The following PRSS27 variants were observed in gnomAD, a reference collection of about 807,000 sequenced individuals.
PRSS27 encodes the protein serine protease 27.
Under a neutral mutation model 32.0 loss-of-function variants are expected in PRSS27, and 25 were observed. The ratio of observed to expected loss-of-function variants is 0.78; its 90% CI spans 0.57 to 1.09. The LOEUF (loss-of-function observed/expected upper bound fraction) is 1.09, where lower values mean the gene tolerates loss of function less well. PRSS27 is among the 50% of genes least tolerant of loss of function. The pLI, the probability that PRSS27 is intolerant of heterozygous loss-of-function variation, is 0.00. For synonymous variants in PRSS27, 178 were observed against 172.2 expected (o/e 1.03, Z -0.26); for missense variants, 401 against 394.9 (o/e 1.02, Z -0.13).
At chr16:2,719,845 C>T (rs996455485) in intron 1 of PRSS27, among the ~76,000 whole-genome samples, 5 of 152,294 alleles carry the variant, frequency 3.3e-5, no homozygotes, top group South Asian at 2.1e-4. Flanking sequence ...CACCAGTGCC[C>T]GCGGAGAGGC....
Position 2,713,535 on chromosome 16 carries a change from G to A in PRSS27, c.672C>T (p.Ala224=), listed in dbSNP as rs1485613061. The change falls in exon 5 of 6, where the codon GCC becomes GCT. Residue 224 remains alanine, a synonymous_variant. Coordinates refer to ENST00000302641, the MANE Select transcript of PRSS27 (RefSeq NM_031948.5). ...GACACCACATTGCTCCCACCTTGCAGGCATCCTTCTTGCCCTCCTCGAAGC... is the reference window on the plus strand; with the variant it reads ...GACACCACATTGCTCCCACCTTGCAAGCATCCTTCTTGCCCTCCTCGAAGC... ...CAGFEEGKKD[A]CKGDSGGPLV... The A allele has an allele frequency of 1.2e-6, 2 of 1,614,118 alleles. No homozygotes were observed. The highest frequency in any genetic ancestry group is 1.1e-5 in the South Asian group (1 of 91,096).
intron 3 of PRSS27, chr16:2,715,173 G>A (rs1039637188): frequency 2.0e-5 from 3 of 152,064 alleles, no homozygotes; most frequent in African/African-American, 4.9e-5. Flanking sequence ...TTAGAGCTGC[G>A]GTGTTGAGGT....
chr16:2,720,123 A>G lies in PRSS27; in HGVS notation c.38T>C (p.Leu13Pro). 6.2e-7 allele frequency: 1 copy of G among 1,602,346 alleles called. No homozygotes were observed. The highest frequency in any genetic ancestry group is 8.5e-7 in the Non-Finnish European group (1 of 1,174,454). Residue 13 changes from leucine to proline, a missense_variant, in exon 1 of 6, where the codon CTG becomes CCG. Coordinates refer to ENST00000302641, the MANE Select transcript of PRSS27 (RefSeq NM_031948.5). The stretch of plus-strand genomic sequence containing the variant: ...GCACCTTCACGACTCACCAAAACAC[A>G]GCAGCAGCAGGAGCGGCACCGCCGC... ...RPAAVPLLLL[L>P]CFGSQRAKAA...
chr16:2,716,557 C>A (rs761472387), intron 1 of PRSS27, 31 bp from the exon 2 acceptor site: 20 of 1,587,302 alleles, frequency 1.3e-5, no homozygotes, highest in Non-Finnish European at 1.7e-5. Flanking sequence ...ATCAGCCAGG[C>A]CAGCTGCAGC....
In PRSS27 at chr16:2,713,381, A is replaced by G. The variant is rs191263819; in HGVS notation, c.678+148T>C. ...CCAAAGTGCTGGGATTACAGGCGTG[A>G]GCCACCACACCCGGCCCTGGAATCT... On this transcript the variant is annotated intron_variant, in intron 5 of 5. Transcript: ENST00000302641. 8.2e-3 allele frequency: 6,893 copies of G among 843,880 alleles called. 50 individuals carry two copies. Among genetic ancestry groups the G allele is most frequent in the Non-Finnish European group, 0.012 (6,166 of 501,126 alleles). The allele number at this position is 843,880 out of a possible 1,614,324, so 52.3% of individuals were successfully genotyped here.
rs1432212892 is a variant in PRSS27 at position 2,712,647 on chromosome 16, C to T, written c.846G>A (p.Gln282=). 1 of 1,594,488 alleles carries T rather than the reference C, an allele frequency of 6.3e-7. No homozygotes were observed. Among genetic ancestry groups the T allele is most frequent in the Non-Finnish European group, 8.5e-7 (1 of 1,170,322 alleles). The part of the protein sequence containing the change: ...IHRIIPKLQF[Q]PARLGGQK ...ACTTCTGGCCGCCCAACCTCGCTGGCTGGAACTGCAGTTTGGGGATGATCC... is the reference window on the plus strand; with the variant it reads ...ACTTCTGGCCGCCCAACCTCGCTGGTTGGAACTGCAGTTTGGGGATGATCC... The change falls in exon 6 of 6, where the codon CAG becomes CAA. Residue 282 remains glutamine, a synonymous_variant. Coordinates refer to ENST00000302641, the MANE Select transcript of PRSS27 (RefSeq NM_031948.5). This position sits in a 1 kb window ranked among gnomAD's most constrained non-coding sequence, Gnocchi z 4.6.
In PRSS27 at chr16:2,712,942, T is replaced by C. The variant is rs950326284; in HGVS notation, c.679-128A>G. 107 of 723,288 alleles carry C rather than the reference T, an allele frequency of 1.5e-4. No individual in the cohort carries two copies. The highest frequency in any genetic ancestry group is 2.2e-4 in the Non-Finnish European group (100 of 455,248). The allele number at this position is 723,288 out of a possible 1,614,324, so 44.8% of individuals were successfully genotyped here. ...CCATCCCAGAGCCTCTCTGCCCGGC[T>C]CCCCATCCCCTGCCAGTCCGATTGT... On this transcript the variant is annotated intron_variant, in intron 5 of 5. Transcript: ENST00000302641. The surrounding 1 kb of genome is among the most constrained non-coding windows in gnomAD (Gnocchi z 4.6).
chr16:2,714,213 G>C lies in PRSS27; in HGVS notation c.360C>G (p.Ala120=). The C allele has an allele frequency of 1.2e-6, 2 of 1,613,966 alleles. No homozygotes were observed. Among genetic ancestry groups the C allele is most frequent in the Non-Finnish European group, 1.7e-6 (2 of 1,180,000 alleles). The change falls in exon 4 of 6, where the codon GCC becomes GCG. Residue 120 remains alanine (A), a synonymous_variant. Transcript: ENST00000302641. The surrounding 1 kb of genome is among the most constrained non-coding windows in gnomAD (Gnocchi z 4.7). ...CCACCAGGGCCACGTCAGCGCTGGA[G>C]GCCGTGCCCTGGTACAGGGGGTTGC... ...VESNPLYQGT[A]SSADVALVEL...
rs200616593 is a variant in PRSS27, at chr16:2,714,377, G to A, written c.237-41C>T. On this transcript the variant is annotated intron_variant, in intron 3 of 5. Transcript: ENST00000302641. This position sits in a 1 kb window ranked among gnomAD's most constrained non-coding sequence, Gnocchi z 4.7. ...GAGAGGCGGCGTGAGGCGGCCCCTCGTGTGGGGACAGGCCCGGGAGGGGCT... is the reference window on the plus strand; with the variant it reads ...GAGAGGCGGCGTGAGGCGGCCCCTCATGTGGGGACAGGCCCGGGAGGGGCT... The A allele has an allele frequency of 3.1e-5, 50 of 1,602,226 alleles. No homozygotes were observed. The highest frequency in any genetic ancestry group is 1.0e-4 in the South Asian group (9 of 90,452).
chr16:2,713,519 T>C lies in PRSS27; in HGVS notation c.678+10A>G. 1 of 1,614,024 alleles carries C rather than the reference T, an allele frequency of 6.2e-7. No homozygotes were observed. On this transcript the variant is annotated intron_variant, in intron 5 of 5. Transcript: ENST00000302641. ...GGACTGAGTCCCCATGGACACCACA[T>C]TGCTCCCACCTTGCAGGCATCCTTC...
Position 2,712,938 on chromosome 16 carries a change from C to G in PRSS27, c.679-124G>C. On this transcript the variant is annotated intron_variant, in intron 5 of 5. Coordinates refer to ENST00000302641, the MANE Select transcript of PRSS27 (RefSeq NM_031948.5). The surrounding 1 kb of genome is among the most constrained non-coding windows in gnomAD (Gnocchi z 4.6). ...CTCTCCATCCCAGAGCCTCTCTGCC[C>G]GGCTCCCCATCCCCTGCCAGTCCGA... is the stretch of plus-strand genomic sequence containing the variant. 1 of 765,732 alleles carries G rather than the reference C, an allele frequency of 1.3e-6. No homozygotes were observed. The highest frequency in any genetic ancestry group is 2.0e-6 in the Non-Finnish European group (1 of 493,638). The allele number at this position is 765,732 out of a possible 1,614,324, so 47.4% of individuals were successfully genotyped here. A position where few individuals can be genotyped will look rare whatever the true frequency, so the allele number is the denominator to read the frequency against.
intron 1 of PRSS27, chr16:2,716,861 C>T (rs2067705385): frequency 5.1e-6 from 2 of 388,792 alleles, no homozygotes; most frequent in East Asian, 4.2e-5. Flanking sequence ...CCACACTCCA[C>T]ACCCATCCTT....
At chr16:2,719,911 C>T (rs1380604835) in intron 1 of PRSS27, among the ~76,000 whole-genome samples, 1 of 152,172 alleles carries the variant, frequency 6.6e-6, no homozygotes, top group African/African-American at 2.4e-5. Context: ...CCTGTGCGCA[C>T]ACCTCCCACC....
Position 2,715,798 on chromosome 16 carries a change from G to T in PRSS27, c.156C>A (p.Ile52=). The change falls in exon 3 of 6, where the codon ATC becomes ATA. Residue 52 remains isoleucine, a synonymous_variant. Coordinates refer to ENST00000302641, the MANE Select transcript of PRSS27 (RefSeq NM_031948.5). The stretch of plus-strand genomic sequence containing the variant: ...CGCAGAAGTGGCTTCCGTTGCGCTG[G>T]ATGCTGACTTGCCAGGGCCACTCGC... The part of the protein sequence containing the change: ...QEGEWPWQVS[I]QRNGSHFCGG... 6.2e-7 allele frequency: 1 copy of T among 1,604,280 alleles called. No homozygotes were observed. The highest frequency in any genetic ancestry group is 8.5e-7 in the Non-Finnish European group (1 of 1,177,702).
chr16:2,715,227 G>T (rs1179870066), intron 3 of PRSS27: 1 of 154,852 alleles, frequency 6.5e-6, no homozygotes, highest in African/African-American at 2.4e-5. Flanking sequence ...GTGGGACCAG[G>T]TGGTTCATAC....
chr16:2,716,021 G>A, intron 2 of PRSS27, 141 bp from the exon 3 acceptor site: 3 of 687,792 alleles, frequency 4.4e-6, no homozygotes, highest in Non-Finnish European at 7.0e-6. Context: ...GGAGGCCTGG[G>A]CTTCGGGGCA....
Position 2,714,256 on chromosome 16 carries a change from C to A in PRSS27, c.317G>T (p.Arg106Leu), listed in dbSNP as rs149148435. The change falls in exon 4 of 6, where the codon CGG (arginine) becomes CTG (leucine). Residue 106 changes from arginine (R) to leucine (L), a missense_variant. Coordinates refer to ENST00000302641, the MANE Select transcript of PRSS27 (RefSeq NM_031948.5). The surrounding 1 kb of genome is among the most constrained non-coding windows in gnomAD (Gnocchi z 4.7). ...GGGGTTGCTCTCCACCTGCCTCACC[C>A]GGGCATACATAGCGTGTGGTCCCGG... Reference protein sequence around the residue: ...VQPGPHAMYARVRQVESNPLY... With the variant: ...VQPGPHAMYALVRQVESNPLY... The A allele has an allele frequency of 3.7e-6, 6 of 1,613,200 alleles. No homozygotes were observed. The South Asian group carries it at 5.5e-5, about 15-fold the overall frequency.
In PRSS27 at chr16:2,712,471, T is replaced by G; in HGVS notation, c.*149A>C. 2 of 640,666 alleles carry G rather than the reference T, an allele frequency of 3.1e-6. No homozygotes were observed. The highest frequency in any genetic ancestry group is 3.4e-5 in the Admixed American group (1 of 29,500). The allele number at this position is 640,666 out of a possible 1,614,324, so 39.7% of individuals were successfully genotyped here. ...GGGAGAAACATAAATAAAATAAGGG[T>G]ATTTGAGAGGGGAGGAAGGAGCGCT... On this transcript the variant is annotated 3_prime_UTR_variant, in exon 6 of 6. Coordinates refer to ENST00000302641, the MANE Select transcript of PRSS27 (RefSeq NM_031948.5). The surrounding 1 kb of genome is among the most constrained non-coding windows in gnomAD (Gnocchi z 4.6).
chr16:2,716,400 C>T, intron 2 of PRSS27, 100 bp downstream of exon 2: 1 of 1,126,436 alleles, frequency 8.9e-7, no homozygotes, highest in Non-Finnish European at 1.3e-6. Context: ...TCTGGAATTC[C>T]CCAGTGTCCT....
Sources: allele counts gnomAD v4.1 joint callset (sites outside exome capture counted in the v4.1 genomes callset), GRCh38; gene constraint gnomAD v4.1.1; non-coding constraint Gnocchi (gnomAD v3.1); transcripts MANE v1.5; gene names NCBI Gene and HGNC (gene_info 2026-07-23, HGNC 2026-07-21).